The following DAB2IP variants were observed in gnomAD, a reference collection of about 807,000 sequenced individuals.
DAB2IP encodes DAB2 interacting protein, also known as disabled homolog 2-interacting protein.
A neutral mutation model predicts 107.2 loss-of-function variants in DAB2IP; 28 were observed. The ratio of observed to expected loss-of-function variants is 0.26; its 90% CI spans 0.19 to 0.36. The LOEUF is 0.36. Among genes scored for constraint, DAB2IP ranks in the 10% least tolerant of loss-of-function variants. The pLI is 1.00. For missense variants in DAB2IP, 1,400 were observed against 1,644.7 expected, an observed-to-expected ratio of 0.85 and a Z score of 2.57; for synonymous variants, 755 against 706.4, an observed-to-expected ratio of 1.07 and a Z score of -1.09.
chr9:121,738,883 C>T (rs1832119197), intron 3 of DAB2IP, among the ~76,000 whole-genome samples: 1 of 152,216 alleles, frequency 6.6e-6, no homozygotes, highest in African/African-American at 2.4e-5. Context: ...AGAGCTTGGC[C>T]ACACACAGCT....
chr9:121,704,505 TGAC>T (rs1422580301), intron 3 of DAB2IP, among the ~76,000 whole-genome samples: 1 of 152,236 alleles, frequency 6.6e-6, no homozygotes, highest in Non-Finnish European at 1.5e-5. Flanking sequence ...CTGAGTGTTC[TGAC>T]AAGCCTCTTG....
chr9:121,692,195 T>C (rs1244550920), intron 2 of DAB2IP, among the ~76,000 whole-genome samples: 3 of 152,208 alleles, frequency 2.0e-5, no homozygotes, highest in Non-Finnish European at 2.9e-5. Flanking sequence ...TGCCTGATGA[T>C]AGCTGAGTAC....
At chr9:121,578,509 G>GC (rs1195406475) in intron 1 of DAB2IP, among the ~76,000 whole-genome samples, 2 of 151,770 alleles carry the variant, frequency 1.3e-5, no homozygotes, top group African/African-American at 4.8e-5. Flanking sequence ...GCCCTTCCAA[G>GC]CCCCGGGGGA....
intron 1 of DAB2IP, among the ~76,000 whole-genome samples, chr9:121,571,787 T>A (rs1024588756): frequency 2.6e-5 from 4 of 151,904 alleles, no homozygotes; most frequent in African/African-American, 7.3e-5. Flanking sequence ...GGTCTGGCGG[T>A]GGGAGCCCCT....
intron 2 of DAB2IP, among the ~76,000 whole-genome samples, chr9:121,686,770 C>A (rs1011649527): frequency 6.6e-5 from 10 of 152,204 alleles, no homozygotes; most frequent in African/African-American, 2.4e-4. Flanking sequence ...CACAAGGCAG[C>A]ATTCCCCACA....
In DAB2IP at chr9:121,606,967, G is replaced by T. The variant is rs372120061; in HGVS notation, c.40+39739G>T. The stretch of plus-strand genomic sequence containing the variant: ...TTTTCATATTTTTAGTAGAGACAGG[G>T]TTTCACCATATTGGTCAGGCTGGTC... On this transcript the variant is annotated intron_variant, in intron 1 of 16. Transcript: ENST00000259371. Among the ~76,000 whole-genome samples, 13 of 151,928 alleles carry T rather than the reference G, an allele frequency of 8.6e-5. No individual in the cohort carries two copies. In the East Asian group the frequency reaches 1.6e-3, roughly 18 times the overall value.
rs974659435 is a variant in DAB2IP, at chr9:121,635,485, C to A, written c.41-43193C>A. ...TTCAGGGCCACCTCCTGTGGACCTA[C>A]TGTGTGCTTAGCCCCGTGCAGGGCC... On this transcript the variant is annotated intron_variant, in intron 1 of 16. Transcript: ENST00000259371. The surrounding 1 kb of genome is among the most constrained non-coding windows in gnomAD (Gnocchi z 4.3). Among the ~76,000 whole-genome samples the A allele has an allele frequency of 3.9e-5, 6 of 152,224 alleles. No homozygotes were observed. Among genetic ancestry groups the A allele is most frequent in the African/African-American group, 1.4e-4 (6 of 41,466 alleles).
At chr9:121,727,870 C>T (rs916469781) in intron 3 of DAB2IP, among the ~76,000 whole-genome samples, 12 of 152,204 alleles carry the variant, frequency 7.9e-5, no homozygotes, top group African/African-American at 2.9e-4. Context: ...CCTCCATCTC[C>T]TTCTCCCACA....
At chr9:121,637,351 C>A (rs1832124300) in intron 1 of DAB2IP, among the ~76,000 whole-genome samples, 1 of 152,230 alleles carries the variant, frequency 6.6e-6, no homozygotes, top group African/African-American at 2.4e-5. Flanking sequence ...AGGGCTGGGG[C>A]AACCTCCCTA....
intron 9 of DAB2IP, 55 bp from the exon 10 acceptor site, chr9:121,768,376 TC>T: frequency 6.3e-7 from 1 of 1,593,146 alleles, no homozygotes; most frequent in Non-Finnish European, 8.6e-7. Context: ...TGGAGGGAGT[TC>T]CTGGGCAGGG....
chr9:121,658,791 G>A (rs541208790), intron 1 of DAB2IP, among the ~76,000 whole-genome samples: 4 of 152,302 alleles, frequency 2.6e-5, no homozygotes, highest in Non-Finnish European at 5.9e-5. Flanking sequence ...TTGGAAATGC[G>A]GCGGTGCTCA....
At chr9:121,783,273 C>T (rs1335618001) in exon 16 of DAB2IP, 10 of 1,361,572 alleles carry the variant, frequency 7.3e-6, no homozygotes, top group Non-Finnish European at 9.5e-6. Context: ...GCTTCCCACA[C>T]CTCCCACACA....
intron 3 of DAB2IP, among the ~76,000 whole-genome samples, chr9:121,730,744 GC>G (rs779088196): frequency 3.3e-5 from 5 of 152,234 alleles, no homozygotes; most frequent in Non-Finnish European, 7.3e-5. Context: ...GCACTTTCTA[GC>G]TGTGTGACTG....
At chr9:121,709,821 T>G (rs1830245460) in intron 3 of DAB2IP, among the ~76,000 whole-genome samples, 1 of 152,180 alleles carries the variant, frequency 6.6e-6, no homozygotes, top group Non-Finnish European at 1.5e-5. Context: ...GAAACTGGCC[T>G]TAGAGTATAA....
At chr9:121,641,765 A>AGCCTGCCT (rs76810093) in intron 1 of DAB2IP, among the ~76,000 whole-genome samples, 12 of 150,770 alleles carry the variant, frequency 8.0e-5, no homozygotes, top group South Asian at 2.1e-4. Flanking sequence ...TCCCACAGCC[A>AGCCTGCCT]GCCTGCCTGC....
At chr9:121,658,360 C>T (rs951118786) in intron 1 of DAB2IP, among the ~76,000 whole-genome samples, 12 of 152,138 alleles carry the variant, frequency 7.9e-5, no homozygotes, top group African/African-American at 2.7e-4. Flanking sequence ...AGTAGGTATT[C>T]GGGGAGTCTA....
At position 121,684,697 on chromosome 9, in the gene DAB2IP, C is replaced by T. The variant is rs1289464276; in HGVS notation, c.228+5916C>T. Reference sequence around the variant, plus strand: ...GCCCCGCTGCCCCCCATTTGTGCCCCTTCCAAGCTACGGAGGCTCCGGGTG... The same window carrying T: ...GCCCCGCTGCCCCCCATTTGTGCCCTTTCCAAGCTACGGAGGCTCCGGGTG... On this transcript the variant is annotated intron_variant, in intron 2 of 15. Coordinates refer to ENST00000408936, the Ensembl canonical transcript of DAB2IP. This position sits in a 1 kb window ranked among gnomAD's most constrained non-coding sequence, Gnocchi z 4.0. Among the ~76,000 whole-genome samples the T allele has an allele frequency of 6.6e-6, 1 of 152,240 alleles. No homozygotes were observed. The highest frequency in any genetic ancestry group is 1.9e-4 in the East Asian group (1 of 5,190).
intron 13 of DAB2IP, among the ~76,000 whole-genome samples, chr9:121,774,986 C>T (rs1480195546): frequency 1.3e-5 from 2 of 152,194 alleles, no homozygotes; most frequent in Non-Finnish European, 2.9e-5. Flanking sequence ...TTCTTCCCCA[C>T]CCCCGGGAAA....
At chr9:121,710,256 G>A (rs564554446) in intron 3 of DAB2IP, among the ~76,000 whole-genome samples, 243 of 152,308 alleles carry the variant, frequency 1.6e-3, no homozygotes, top group Non-Finnish European at 2.8e-3. Context: ...TTTCTAGAAT[G>A]TTTTTCTGTC....
Sources: allele counts gnomAD v4.1 joint callset (sites outside exome capture counted in the v4.1 genomes callset), GRCh38; gene constraint gnomAD v4.1.1; non-coding constraint Gnocchi (gnomAD v3.1); transcripts MANE v1.5; gene names NCBI Gene and HGNC (gene_info 2026-07-23, HGNC 2026-07-21).